The following XDH variants were observed in gnomAD, a reference collection of about 807,000 sequenced individuals.
XDH encodes xanthine dehydrogenase.
A neutral mutation model predicts 156.1 loss-of-function variants in XDH; 138 were observed. That is an observed-to-expected ratio of 0.88 (90% CI 0.77 to 1.02). XDH has a LOEUF of 1.02. XDH is among the 50% of genes least tolerant of loss of function. The probability of loss-of-function intolerance (pLI) is 0.00; values close to 1 mark genes in which losing one functional copy is unlikely to be tolerated. For missense variants in XDH, 1,849 were observed against 1,684.9 expected (o/e 1.10, Z -1.71); for synonymous variants, 669 against 625.7 (o/e 1.07, Z -1.03).
chr2:31,406,146 C>G (rs1687186857), intron 1 of XDH, among the ~76,000 whole-genome samples, 182 bp from the exon 2 acceptor site: 1 of 152,146 alleles, frequency 6.6e-6, no homozygotes, highest in African/African-American at 2.4e-5. Context: ...AAGGTGGGGC[C>G]TAGTGGGAAG....
At chr2:31,362,815 C>A (rs1685810772) in intron 24 of XDH, among the ~76,000 whole-genome samples, 1 of 152,162 alleles carries the variant, frequency 6.6e-6, no homozygotes, top group Admixed American at 6.5e-5. Context: ...CAATTCTATT[C>A]CTAGGAATTT....
intron 28 of XDH, 105 bp downstream of exon 28, chr2:31,348,163 G>A: frequency 8.5e-7 from 1 of 1,176,542 alleles, no homozygotes; most frequent in Non-Finnish European, 1.2e-6. Flanking sequence ...AACAGGGCCA[G>A]GGCCAGACCC....
At position 31,365,004 on chromosome 2, in the gene XDH, G is replaced by A. The variant is rs556988140; in HGVS notation, c.2544+453C>T. On this transcript the variant is annotated intron_variant, in intron 23 of 35. Coordinates refer to ENST00000379416, the MANE Select transcript of XDH (RefSeq NM_000379.4). The stretch of plus-strand genomic sequence containing the variant: ...ACTGTCCCAGAGAGAAGTGTGGACC[G>A]TGTCCAACCATGGTCTGGAAAAGTA... Among the ~76,000 whole-genome samples the A allele has an allele frequency of 1.4e-4, 22 of 152,282 alleles. No homozygotes were observed. In the South Asian group the frequency reaches 1.5e-3, roughly 10 times the overall value.
Position 31,336,878 on chromosome 2 carries a change from C to T in XDH, c.3951+763G>A, listed in dbSNP as rs1050172802. Among the ~76,000 whole-genome samples, 13 of 147,760 alleles carry T rather than the reference C, an allele frequency of 8.8e-5. 1 individual carries two copies. Among genetic ancestry groups the T allele is most frequent in the African/African-American group, 3.3e-4 (13 of 39,566 alleles). ...AGTCCTGCTAACTCCACACAGGTTG[C>T]AGTTGCAAAGGCAATTAAAGCCACT... On this transcript the variant is annotated intron_variant, in intron 35 of 35. Coordinates refer to ENST00000379416, the MANE Select transcript of XDH (RefSeq NM_000379.4).
At chr2:31,397,602 C>T (rs371250672) in intron 6 of XDH, 66 bp downstream of exon 6, 2 of 1,598,470 alleles carry the variant, frequency 1.3e-6, no homozygotes, top group African/African-American at 2.7e-5. Context: ...TCTCCCTCCC[C>T]ACAGTGATTT....
chr2:31,365,447 C>T lies in XDH; in HGVS notation c.2544+10G>A, dbSNP rs369796722. 2.8e-5 allele frequency: 45 copies of T among 1,614,068 alleles called. No homozygotes were observed. Among genetic ancestry groups the T allele is most frequent in the Non-Finnish European group, 3.6e-5 (42 of 1,180,016 alleles). On this transcript the variant is annotated intron_variant, in intron 23 of 35. Coordinates refer to ENST00000379416, the MANE Select transcript of XDH (RefSeq NM_000379.4). ...TCATCCCGCCCCAGCACAGCCCCAA[C>T]ATCTAGAACCTTGTATCTGGCCAGG...
chr2:31,358,090 C>T (rs751987301), intron 24 of XDH, among the ~76,000 whole-genome samples: 19 of 151,624 alleles, frequency 1.3e-4, no homozygotes, highest in African/African-American at 2.4e-4. Flanking sequence ...ATCAAGCTGA[C>T]GTAATAGACA....
At chr2:31,368,457 A>C in intron 19 of XDH, 84 bp downstream of exon 19, 1 of 1,561,722 alleles carries the variant, frequency 6.4e-7, no homozygotes, top group South Asian at 1.1e-5. Context: ...CCTGCTGCTC[A>C]AATCCCCTCC....
In XDH at chr2:31,387,854, G is replaced by A. The variant is rs1034773880; in HGVS notation, c.608C>T (p.Pro203Leu). ...PSLFKPEEFT[P>L]LDPTQEPIFP... ...AATGGGCTCCTGGGTTGGATCCAGGGGCGTGAACTCCTCTGGTTTGAATAA... is the reference window on the plus strand; with the variant it reads ...AATGGGCTCCTGGGTTGGATCCAGGAGCGTGAACTCCTCTGGTTTGAATAA... The change falls in exon 8 of 36, where the codon CCC (proline) becomes CTC (leucine). Residue 203 changes from proline to leucine, a missense_variant. Coordinates refer to ENST00000379416, the MANE Select transcript of XDH (RefSeq NM_000379.4). 8 of 1,589,122 alleles carry A rather than the reference G, an allele frequency of 5.0e-6. No individual in the cohort carries two copies. Among genetic ancestry groups the A allele is most frequent in the Non-Finnish European group, 6.8e-6 (8 of 1,168,260 alleles).
intron 2 of XDH, 101 bp downstream of exon 2, chr2:31,405,806 C>T: frequency 2.1e-6 from 3 of 1,419,004 alleles, no homozygotes; most frequent in South Asian, 1.2e-5. Context: ...TCCTCCACAC[C>T]TCAAGGCCAC....
intron 23 of XDH, among the ~76,000 whole-genome samples, chr2:31,364,496 C>T (rs1191128640): frequency 6.6e-6 from 1 of 151,942 alleles, no homozygotes. Context: ...ACCTCTTCCT[C>T]CTGCTACCGG....
rs756811255 is a variant in XDH at position 31,339,729 on chromosome 2, C to G, written c.3586-52G>C. The G allele has an allele frequency of 3.1e-6, 5 of 1,601,742 alleles. No homozygotes were observed. The South Asian group carries it at 5.6e-5, about 18-fold the overall frequency. On this transcript the variant is annotated intron_variant, in intron 33 of 35. Transcript: ENST00000379416. ...AGCCTGCCACCTTCTTCCCTGAGGA[C>G]AGATACCACTTGCCACAATGGACAC...
rs367913996 is a variant in XDH at position 31,341,009 on chromosome 2, C to A, written c.3585+320G>T. On this transcript the variant is annotated intron_variant, in intron 33 of 35. Transcript: ENST00000379416. ...TCTGGGCATTGATCCCAAACTCAAT[C>A]CCCATTCTACGTTGTGCTCACACTC... Among the ~76,000 whole-genome samples, 91 of 152,322 alleles carry A rather than the reference C, an allele frequency of 6.0e-4. 4 individuals are homozygous for A. In the South Asian group the frequency reaches 0.017, roughly 29 times the overall value.
chr2:31,383,609 C>T (rs1426215936), intron 10 of XDH, 146 bp downstream of exon 10: 22 of 785,962 alleles, frequency 2.8e-5, no homozygotes, highest in African/African-American at 5.1e-5. Flanking sequence ...GGTCTCCTCC[C>T]GCCTTTCCCT....
At chr2:31,341,586 G>C (rs1685127207) in intron 32 of XDH, among the ~76,000 whole-genome samples, 192 bp from the exon 33 acceptor site, 1 of 152,102 alleles carries the variant, frequency 6.6e-6, no homozygotes. Flanking sequence ...CCCCGCTGGA[G>C]TCTGAGTTTG....
Position 31,387,911 on chromosome 2 carries a change from G to C in XDH, c.565-14C>G, listed in dbSNP as rs200627502. The stretch of plus-strand genomic sequence containing the variant: ...CGAGAGGCTGACCTATGGGGAAAGA[G>C]AACAGGTAGGTGATGCAGTATCTCC... On this transcript the variant is annotated splice_polypyrimidine_tract_variant and intron_variant, in intron 7 of 35. Transcript: ENST00000379416. 8.3e-6 allele frequency: 13 copies of C among 1,567,728 alleles called. No homozygotes were observed. In the Admixed American group the frequency reaches 2.5e-4, roughly 30 times the overall value.
chr2:31,382,913 C>T (rs962092410), intron 11 of XDH, 88 bp downstream of exon 11: 50 of 1,594,734 alleles, frequency 3.1e-5, no homozygotes, highest in Non-Finnish European at 4.0e-5. Context: ...TTGAGGCCCA[C>T]TGCACTGACA....
chr2:31,348,927 A>T lies in XDH; in HGVS notation c.3023T>A (p.Ile1008Lys). 6.2e-7 allele frequency: 1 copy of T among 1,613,542 alleles called. No individual in the cohort carries two copies. Among genetic ancestry groups the T allele is most frequent in the Admixed American group, 1.7e-5 (1 of 60,038 alleles). ...ATTCAGAAAAGGAACTGTAAAGCTTATTCCAAACTTGGTGGGAATTATGCA... is the reference window on the plus strand; with the variant it reads ...ATTCAGAAAAGGAACTGTAAAGCTTTTTCCAAACTTGGTGGGAATTATGCA... ...GLCIIPTKFG[I>K]SFTVPFLNQA... Residue 1008 changes from isoleucine to lysine, a missense_variant, in exon 27 of 36, where the codon ATA becomes AAA. Transcript: ENST00000379416.
chr2:31,383,244 A>G, intron 10 of XDH, 92 bp from the exon 11 acceptor site: 2 of 1,590,792 alleles, frequency 1.3e-6, no homozygotes, highest in African/African-American at 1.3e-5. Flanking sequence ...CAGCAACTGG[A>G]GCAAGGCTGA....
Sources: gnomAD v4.1 joint callset for allele counts (sites outside exome capture counted in the v4.1 genomes callset) on GRCh38, gnomAD v4.1.1 for gene constraint, MANE v1.5 for transcripts, NCBI Gene and HGNC (gene_info 2026-07-23, HGNC 2026-07-21) for gene names.